The following RIMS2 variants were observed in gnomAD, a reference collection of about 807,000 sequenced individuals.
The protein encoded by RIMS2 is regulating synaptic membrane exocytosis 2, also known as regulating synaptic membrane exocytosis protein 2.
In RIMS2, 59 loss-of-function variants were observed where a neutral mutation model predicts 174.4. The ratio of observed to expected loss-of-function variants is 0.34; its 90% CI spans 0.27 to 0.42. RIMS2 has a LOEUF of 0.42. Among genes scored for constraint, RIMS2 ranks in the 10% least tolerant of loss-of-function variants. The pLI is 1.00. For missense variants in RIMS2, 1,620 were observed against 1,666.3 expected, an observed-to-expected ratio of 0.97 and a Z score of 0.48; for synonymous variants, 606 against 572.5, an observed-to-expected ratio of 1.06 and a Z score of -0.84.
chr8:104,176,721 C>T (rs2098899920), intron 19 of RIMS2, among the ~76,000 whole-genome samples: 1 of 150,748 alleles, frequency 6.6e-6, no homozygotes, highest in South Asian at 2.1e-4. Context: ...ATTTTCATAT[C>T]ATTATATATG....
chr8:103,808,186 G>C (rs2098663048), intron 3 of RIMS2, among the ~76,000 whole-genome samples: 2 of 152,080 alleles, frequency 1.3e-5, no homozygotes, highest in Admixed American at 6.6e-5. Flanking sequence ...CCAAATGGCA[G>C]AATATATAAC....
At chr8:103,527,109 A>G (rs1336774297) in intron 1 of RIMS2, among the ~76,000 whole-genome samples, 8 of 152,218 alleles carry the variant, frequency 5.3e-5, no homozygotes, top group Admixed American at 5.2e-4. Flanking sequence ...TTATGTCTTC[A>G]AAGTGCTGAA....
intron 19 of RIMS2, among the ~76,000 whole-genome samples, chr8:104,182,131 A>C (rs1480466431): frequency 6.6e-6 from 1 of 151,732 alleles, no homozygotes. Flanking sequence ...TTATTGCAGA[A>C]ACTTTAAATC....
chr8:103,898,372 A>T (rs1487099642), intron 4 of RIMS2, among the ~76,000 whole-genome samples: 4 of 151,656 alleles, frequency 2.6e-5, no homozygotes. Context: ...GGTATGTGAT[A>T]GTTCTGGTCC....
intron 1 of RIMS2, among the ~76,000 whole-genome samples, chr8:103,515,722 A>T (rs1828663842): frequency 6.6e-6 from 1 of 152,130 alleles, no homozygotes; most frequent in Non-Finnish European, 1.5e-5. Flanking sequence ...AACTCTGATT[A>T]TAGAACTTTT....
chr8:103,728,568 G>A lies in RIMS2; in HGVS notation c.387+31272G>A, dbSNP rs538390056. Among the ~76,000 whole-genome samples the A allele has an allele frequency of 3.9e-5, 6 of 151,972 alleles. No individual in the cohort carries two copies. The South Asian group carries it at 1.2e-3, about 32-fold the overall frequency. ...CAGTATGTTACTAGCTGTGGGTCTG[G>A]CATACATGGCTTTTATTTTGTTGAG... On this transcript the variant is annotated intron_variant, in intron 2 of 23. Transcript: ENST00000504942.
intron 3 of RIMS2, among the ~76,000 whole-genome samples, chr8:103,770,727 T>G (rs951546203): frequency 4.5e-5 from 4 of 87,942 alleles, no homozygotes; most frequent in African/African-American, 1.8e-4. Context: ...ATTAAACCTA[T>G]TTTTTTTTTG....
At chr8:103,529,596 C>T (rs1835976326) in intron 1 of RIMS2, among the ~76,000 whole-genome samples, 1 of 152,208 alleles carries the variant, frequency 6.6e-6, no homozygotes, top group Admixed American at 6.5e-5. Context: ...ATGTCTTGCC[C>T]TGCTTCGGCT....
intron 3 of RIMS2, chr8:103,768,369 A>T (rs562758510): frequency 1.4e-6 from 1 of 728,710 alleles, no homozygotes; most frequent in East Asian, 2.6e-5. Context: ...TTTTATGAGA[A>T]GCATATGGCC....
intron 19 of RIMS2, among the ~76,000 whole-genome samples, chr8:104,109,180 C>T (rs1448832861): frequency 6.6e-6 from 1 of 151,218 alleles, no homozygotes; most frequent in Non-Finnish European, 1.5e-5. Context: ...ACCTGTAGAC[C>T]CAGCTACTCC....
chr8:104,140,681 G>A (rs1177654595), intron 19 of RIMS2, among the ~76,000 whole-genome samples: 2 of 152,130 alleles, frequency 1.3e-5, no homozygotes, highest in Non-Finnish European at 2.9e-5. Context: ...GTATGCCAGA[G>A]CATGGAGGGC....
chr8:103,947,694 C>T (rs2154541567), intron 14 of RIMS2, among the ~76,000 whole-genome samples: 1 of 152,202 alleles, frequency 6.6e-6, no homozygotes, highest in Admixed American at 6.5e-5. Context: ...AGTCAATGAG[C>T]AACTTGGTAA....
chr8:103,927,861 G>A (rs374134219), exon 11 of RIMS2: 2 of 1,608,196 alleles, frequency 1.2e-6, no homozygotes, highest in African/African-American at 2.7e-5. Flanking sequence ...CTTAGTAGAA[G>A]AACAACGCCT....
intron 1 of RIMS2, 59 bp from the exon 3 acceptor site, chr8:103,652,565 G>A (rs1169854079): frequency 9.9e-6 from 9 of 909,326 alleles, no homozygotes; most frequent in Non-Finnish European, 1.3e-5. Context: ...ATAAGAAAAC[G>A]TTAACCTACA....
At chr8:103,871,236 C>G (rs2099110124) in intron 3 of RIMS2, among the ~76,000 whole-genome samples, 1 of 152,086 alleles carries the variant, frequency 6.6e-6, no homozygotes, top group African/African-American at 2.4e-5. Context: ...TGGTGAAACC[C>G]CATCTGTACT....
chr8:103,501,160 CT>C, intron 1 of RIMS2, 98 bp downstream of exon 1: 1 of 963,480 alleles, frequency 1.0e-6, no homozygotes, highest in South Asian at 3.0e-5. Context: ...GCCGCCCTCC[CT>C]CCCGCTGGCG....
At chr8:103,634,717 G>A (rs1263169574) in intron 1 of RIMS2, among the ~76,000 whole-genome samples, 3 of 152,248 alleles carry the variant, frequency 2.0e-5, no homozygotes, top group South Asian at 2.1e-4. Flanking sequence ...GGGTGCATAC[G>A]TATTTACAAT....
At chr8:103,836,258 T>C (rs991990261) in intron 3 of RIMS2, among the ~76,000 whole-genome samples, 4 of 152,188 alleles carry the variant, frequency 2.6e-5, no homozygotes, top group Non-Finnish European at 1.5e-5. Flanking sequence ...GCTGATCTTT[T>C]AAATTAATAA....
intron 19 of RIMS2, among the ~76,000 whole-genome samples, chr8:104,183,057 A>T (rs940994350): frequency 3.3e-5 from 5 of 151,856 alleles, no homozygotes; most frequent in Admixed American, 2.6e-4. Flanking sequence ...GAAGTGACTA[A>T]AACTTTTACC....
Sources: allele counts gnomAD v4.1 joint callset (sites outside exome capture counted in the v4.1 genomes callset), GRCh38; gene constraint gnomAD v4.1.1; transcripts MANE v1.5; gene names NCBI Gene and HGNC (gene_info 2026-07-23, HGNC 2026-07-21).